NCKAP5: variants seen among roughly 807,000 people sequenced by gnomAD.
NCKAP5 encodes the protein NCK associated protein 5, also known as nck-associated protein 5.
Under a neutral mutation model 167.0 loss-of-function variants are expected in NCKAP5, and 92 were observed. The observed-to-expected ratio is 0.55, with a 90% CI of 0.47 to 0.66. NCKAP5 has a LOEUF of 0.66. Ranked by LOEUF, NCKAP5 falls within the 30% of genes least tolerant of loss-of-function variation. NCKAP5 has a pLI of 0.00. For synonymous variants in NCKAP5, 891 were observed against 877.4 expected (o/e 1.02, Z -0.27); for missense variants, 2,378 against 2,315.0 (o/e 1.03, Z -0.56).
At chr2:133,584,074 G>T in the NCKAP5 span, among the ~76,000 whole-genome samples, 3 of 152,318 alleles carry the variant, frequency 2.0e-5, no homozygotes, top group South Asian at 6.2e-4. Flanking sequence ...AATGGATTAA[G>T]AATTATTTTC....
chr2:132,944,452 A>C (rs1697540427), intron 8 of NCKAP5, among the ~76,000 whole-genome samples: 1 of 152,238 alleles, frequency 6.6e-6, no homozygotes, highest in Non-Finnish European at 1.5e-5. Flanking sequence ...TCATCCTTCC[A>C]ACAACCGTGT....
At chr2:133,181,053 G>A (rs921604435) in intron 5 of NCKAP5, among the ~76,000 whole-genome samples, 2 of 151,848 alleles carry the variant, frequency 1.3e-5, no homozygotes, top group Non-Finnish European at 2.9e-5. Flanking sequence ...GAAAGAACAT[G>A]GTAAGAAAAA....
intron 19 of NCKAP5, among the ~76,000 whole-genome samples, chr2:132,677,225 A>G (rs990899952): frequency 6.6e-6 from 1 of 152,050 alleles, no homozygotes; most frequent in Non-Finnish European, 1.5e-5. Flanking sequence ...TTTTTTTTCA[A>G]CTACACTTGG....
At chr2:132,696,881 A>C (rs182969326) in intron 19 of NCKAP5, among the ~76,000 whole-genome samples, 1 of 152,084 alleles carries the variant, frequency 6.6e-6, no homozygotes, top group Non-Finnish European at 1.5e-5. Context: ...CATGCTTCTT[A>C]TTCTTCTTTT....
At chr2:133,564,871 C>T (rs915735877) in intron 1 of NCKAP5, among the ~76,000 whole-genome samples, 2 of 152,142 alleles carry the variant, frequency 1.3e-5, no homozygotes. Flanking sequence ...AGTATTCATC[C>T]GTCTACTCAA....
chr2:132,918,863 T>C (rs572430377), intron 8 of NCKAP5, among the ~76,000 whole-genome samples: 1 of 152,242 alleles, frequency 6.6e-6, no homozygotes, highest in South Asian at 2.1e-4. Flanking sequence ...GCCTAAAGGC[T>C]TTTGACAGTG....
At chr2:133,027,961 A>G (rs948548774) in intron 6 of NCKAP5, among the ~76,000 whole-genome samples, 1 of 152,196 alleles carries the variant, frequency 6.6e-6, no homozygotes, top group Non-Finnish European at 1.5e-5. Flanking sequence ...TCATGGACCC[A>G]GAAAAGTTAA....
At chr2:133,260,499 C>A (rs1371489583) in intron 4 of NCKAP5, among the ~76,000 whole-genome samples, 1 of 152,124 alleles carries the variant, frequency 6.6e-6, no homozygotes, top group African/African-American at 2.4e-5. Flanking sequence ...ATAGGTGAAA[C>A]AAAATATTTA....
At chr2:133,168,769 C>T (rs568409327) in intron 5 of NCKAP5, among the ~76,000 whole-genome samples, 3 of 152,026 alleles carry the variant, frequency 2.0e-5, no homozygotes, top group Non-Finnish European at 4.4e-5. Context: ...TCCATTTTTC[C>T]CCATATTTAT....
At chr2:132,840,119 C>G (rs1688193649) in intron 11 of NCKAP5, among the ~76,000 whole-genome samples, 1 of 152,038 alleles carries the variant, frequency 6.6e-6, no homozygotes, top group Non-Finnish European at 1.5e-5. Context: ...TAGAGCACTT[C>G]CAGAATCACT....
the NCKAP5 span, among the ~76,000 whole-genome samples, chr2:133,654,333 G>T: frequency 6.6e-6 from 1 of 151,882 alleles, no homozygotes; most frequent in Non-Finnish European, 1.5e-5. Context: ...AGCCAAGATC[G>T]CACCACTGCA....
At chr2:133,473,829 C>T (rs897271247) in intron 3 of NCKAP5, among the ~76,000 whole-genome samples, 1 of 152,134 alleles carries the variant, frequency 6.6e-6, no homozygotes, top group Non-Finnish European at 1.5e-5. Context: ...AATTGGCAAG[C>T]CAGTTACTAC....
intron 19 of NCKAP5, among the ~76,000 whole-genome samples, chr2:132,712,806 A>G (rs1433839396): frequency 6.6e-6 from 1 of 152,186 alleles, no homozygotes; most frequent in Non-Finnish European, 1.5e-5. Context: ...GTTAAGGGAT[A>G]AGCAGCAGAG....
chr2:133,326,421 C>CA (rs1682448440), intron 3 of NCKAP5, among the ~76,000 whole-genome samples: 1 of 143,352 alleles, frequency 7.0e-6, no homozygotes, highest in Non-Finnish European at 1.5e-5. Context: ...ACCACTACTG[C>CA]ACTCCAGCCT....
chr2:132,928,646 C>G (rs1299337108), intron 8 of NCKAP5, among the ~76,000 whole-genome samples: 1 of 152,104 alleles, frequency 6.6e-6, no homozygotes, highest in East Asian at 1.9e-4. Flanking sequence ...AAATGAGCTA[C>G]CAGAGGAATT....
At chr2:133,293,844 G>C (rs1679769042) in intron 4 of NCKAP5, among the ~76,000 whole-genome samples, 1 of 152,142 alleles carries the variant, frequency 6.6e-6, no homozygotes, top group Non-Finnish European at 1.5e-5. Flanking sequence ...GGTAATTGGG[G>C]AGTGACATTT....
chr2:133,125,851 A>G (rs1225161325), intron 6 of NCKAP5, among the ~76,000 whole-genome samples: 3 of 151,224 alleles, frequency 2.0e-5, no homozygotes, highest in Non-Finnish European at 4.4e-5. Flanking sequence ...GGCATATCCA[A>G]TTTTTTTTTA....
At chr2:133,504,015 G>A (rs1394514844) in intron 3 of NCKAP5, among the ~76,000 whole-genome samples, 1 of 152,060 alleles carries the variant, frequency 6.6e-6, no homozygotes, top group Non-Finnish European at 1.5e-5. Flanking sequence ...GGGCTCCTGG[G>A]AAAAGTGCTT....
intron 5 of NCKAP5, among the ~76,000 whole-genome samples, chr2:133,155,870 C>G (rs1000453263): frequency 6.6e-6 from 1 of 152,232 alleles, no homozygotes; most frequent in Non-Finnish European, 1.5e-5. Flanking sequence ...CCTCTGCAAT[C>G]ATGTGAGCCA....
Sources: allele counts gnomAD v4.1 joint callset (sites outside exome capture counted in the v4.1 genomes callset), GRCh38; gene constraint gnomAD v4.1.1; transcripts MANE v1.5; gene names NCBI Gene and HGNC (gene_info 2026-07-23, HGNC 2026-07-21).